Variants in TBC1D19 observed in about 807,000 individuals in gnomAD.
TBC1D19 encodes the protein TBC1 domain family member 19.
TBC1D19 carries 60 observed loss-of-function variants against 89.0 expected under a neutral mutation model. That is an observed-to-expected ratio of 0.67 (90% CI 0.55 to 0.84). The LOEUF (loss-of-function observed/expected upper bound fraction) is 0.84, where lower values mean the gene tolerates loss of function less well. Ranked by LOEUF, TBC1D19 falls within the 40% of genes least tolerant of loss-of-function variation. The probability of loss-of-function intolerance (pLI) is 0.00; values close to 1 mark genes in which losing one functional copy is unlikely to be tolerated. For synonymous variants in TBC1D19, 189 were observed against 199.7 expected, an observed-to-expected ratio of 0.95 and a Z score of 0.45; for missense variants, 500 against 610.8, an observed-to-expected ratio of 0.82 and a Z score of 1.91.
chr4:26,833,138 C>A, the TBC1D19 span, among the ~76,000 whole-genome samples: 431 of 152,282 alleles, frequency 2.8e-3, 1 homozygote, highest in African/African-American at 9.1e-3. Flanking sequence ...TGCAGACACA[C>A]ACACAGACAA....
the TBC1D19 span, among the ~76,000 whole-genome samples, chr4:26,794,651 T>G: frequency 6.6e-6 from 1 of 152,162 alleles, no homozygotes; most frequent in Non-Finnish European, 1.5e-5. Flanking sequence ...AAACTAACAT[T>G]GAAACAGACA....
At chr4:26,662,197 A>G (rs1194248547) in intron 8 of TBC1D19, among the ~76,000 whole-genome samples, 2 of 152,232 alleles carry the variant, frequency 1.3e-5, no homozygotes, top group African/African-American at 2.4e-5. Context: ...CATGTTAACC[A>G]TTTATTCCCA....
rs373807642 is a variant in TBC1D19 at position 26,673,446 on chromosome 4, T to TATATATAC, written c.704-329_704-328insTATATACA. 1.4e-4 allele frequency among the ~76,000 whole-genome samples: 13 copies of TATATATAC among 90,870 alleles called. No individual in the cohort carries two copies. The East Asian group carries it at 1.7e-3, about 12-fold the overall frequency. The allele number at this position is 90,870 out of a possible 152,430, so 59.6% of individuals were successfully genotyped here. On this transcript the variant is annotated intron_variant, in intron 10 of 20. Coordinates refer to ENST00000264866, the MANE Select transcript of TBC1D19 (RefSeq NM_018317.4). ...TTTCATATATATATATATATATATA[T>TATATATAC]ACACACACACACACACACACACACA...
intron 1 of TBC1D19, among the ~76,000 whole-genome samples, chr4:26,612,897 G>T (rs562303713): frequency 6.6e-6 from 1 of 152,042 alleles, no homozygotes; most frequent in South Asian, 2.1e-4. Flanking sequence ...AGATAAAGAT[G>T]ATAAGGACTC....
the TBC1D19 span, among the ~76,000 whole-genome samples, chr4:26,821,926 G>T: frequency 6.6e-6 from 1 of 152,214 alleles, no homozygotes; most frequent in Non-Finnish European, 1.5e-5. Flanking sequence ...TGTTTTCCTT[G>T]ACATTTTATG....
At chr4:26,783,655 G>C in the TBC1D19 span, among the ~76,000 whole-genome samples, 6 of 152,144 alleles carry the variant, frequency 3.9e-5, no homozygotes, top group Non-Finnish European at 7.3e-5. Flanking sequence ...AATAAAGGGG[G>C]TATGCTTTTT....
At chr4:26,828,917 T>A in the TBC1D19 span, among the ~76,000 whole-genome samples, 8 of 152,230 alleles carry the variant, frequency 5.3e-5, no homozygotes, top group Admixed American at 3.3e-4. Context: ...GAGGCTGTGA[T>A]GCAGGAGAAT....
the TBC1D19 span, among the ~76,000 whole-genome samples, chr4:26,833,123 G>A: frequency 2.5e-3 from 381 of 152,266 alleles, 1 homozygote; most frequent in African/African-American, 8.2e-3. Flanking sequence ...AGGTGAAATC[G>A]TAGTTGCAGA....
At chr4:26,740,684 C>T (rs537290299) in intron 17 of TBC1D19, 1 of 985,104 alleles carries the variant, frequency 1.0e-6, no homozygotes, top group Non-Finnish European at 1.2e-6. Context: ...TTCAGTTATG[C>T]TTTTTTTCCC....
At chr4:26,767,288 T>C in the TBC1D19 span, among the ~76,000 whole-genome samples, 2 of 152,202 alleles carry the variant, frequency 1.3e-5, no homozygotes, top group Admixed American at 1.3e-4. Context: ...ATAAACAACC[T>C]GAATAACTCC....
chr4:26,634,704 T>C (rs1743020141), intron 4 of TBC1D19, among the ~76,000 whole-genome samples: 1 of 152,140 alleles, frequency 6.6e-6, no homozygotes, highest in Non-Finnish European at 1.5e-5. Flanking sequence ...TACTTTACGG[T>C]AGGAAATGAT....
At chr4:26,749,503 G>A (rs1718837022) in intron 19 of TBC1D19, among the ~76,000 whole-genome samples, 1 of 147,716 alleles carries the variant, frequency 6.8e-6, no homozygotes, top group Admixed American at 6.8e-5. Flanking sequence ...CTGGGGTACA[G>A]TGGCATGATC....
rs187188401 is a variant in TBC1D19 at position 26,633,593 on chromosome 4, C to T, written c.295-3618C>T. On this transcript the variant is annotated intron_variant, in intron 4 of 20. Coordinates refer to ENST00000264866, the MANE Select transcript of TBC1D19 (RefSeq NM_018317.4). ...CAGGGGTTAGCAGCTTTACAGATAA[C>T]GGCAGTCCTGTTCCTAAATCCAACT... Among the ~76,000 whole-genome samples the T allele has an allele frequency of 2.6e-5, 4 of 152,204 alleles. No individual in the cohort carries two copies. In the East Asian group the frequency reaches 5.8e-4, roughly 22 times the overall value.
chr4:26,847,817 A>G, the TBC1D19 span, among the ~76,000 whole-genome samples: 1 of 152,224 alleles, frequency 6.6e-6, no homozygotes, highest in Non-Finnish European at 1.5e-5. Context: ...AGAAAAGATC[A>G]GATGACTTTT....
the TBC1D19 span, among the ~76,000 whole-genome samples, chr4:26,775,622 C>A: frequency 6.6e-6 from 1 of 152,140 alleles, no homozygotes; most frequent in South Asian, 2.1e-4. Context: ...GCAAAAAGGT[C>A]CTCTCCAAAT....
the TBC1D19 span, among the ~76,000 whole-genome samples, chr4:26,761,240 G>A: frequency 1.3e-5 from 2 of 152,300 alleles, no homozygotes; most frequent in East Asian, 1.9e-4. Context: ...GAAGTAAAAA[G>A]TCTGCGTTAA....
At chr4:26,651,037 A>G (rs989197188) in intron 7 of TBC1D19, among the ~76,000 whole-genome samples, 4 of 152,190 alleles carry the variant, frequency 2.6e-5, no homozygotes, top group African/African-American at 9.6e-5. Flanking sequence ...GATATGTGGC[A>G]TTATTTCTGA....
the TBC1D19 span, among the ~76,000 whole-genome samples, chr4:26,804,676 C>A: frequency 6.6e-6 from 1 of 152,078 alleles, no homozygotes; most frequent in Admixed American, 6.6e-5. Context: ...CGGGAGCAGC[C>A]GCGGAGGCGG....
chr4:26,622,804 C>T (rs1319321183), intron 4 of TBC1D19, among the ~76,000 whole-genome samples: 2 of 152,158 alleles, frequency 1.3e-5, no homozygotes, highest in Non-Finnish European at 2.9e-5. Context: ...GCAATAGAGA[C>T]CCATGGACTG....
Sources: gnomAD v4.1 joint callset for allele counts (sites outside exome capture counted in the v4.1 genomes callset) on GRCh38, gnomAD v4.1.1 for gene constraint, MANE v1.5 for transcripts, NCBI Gene and HGNC (gene_info 2026-07-23, HGNC 2026-07-21) for gene names.